Variants in EYA1 observed in about 807,000 individuals in gnomAD.
EYA1 encodes EYA transcriptional coactivator and phosphatase 1, also known as protein phosphatase EYA1.
Under a neutral mutation model 82.0 loss-of-function variants are expected in EYA1, and 16 were observed. The ratio of observed to expected loss-of-function variants is 0.20; its 90% confidence interval spans 0.13 to 0.30. EYA1 has a LOEUF of 0.30. Ranked by LOEUF, EYA1 falls within the 10% of genes least tolerant of loss-of-function variation. The pLI, the probability that EYA1 is intolerant of heterozygous loss-of-function variation, is 1.00. For synonymous variants in EYA1, 261 were observed against 264.4 expected, an observed-to-expected ratio of 0.99 and a Z score of 0.12; for missense variants, 633 against 730.7, an observed-to-expected ratio of 0.87 and a Z score of 1.54.
intron 9 of EYA1, among the ~76,000 whole-genome samples, chr8:71,286,063 A>T (rs1209550591): frequency 6.6e-6 from 1 of 152,218 alleles, no homozygotes; most frequent in Middle Eastern, 3.2e-3. Flanking sequence ...CTTGCAGTCC[A>T]TGCAGGGCAA....
At chr8:71,541,100 G>T (rs2129291408) in intron 1 of EYA1, among the ~76,000 whole-genome samples, 1 of 152,244 alleles carries the variant, frequency 6.6e-6, no homozygotes, top group East Asian at 1.9e-4. Context: ...CCTTCCTAAG[G>T]AATTTGGTTA....
intron 3 of EYA1, chr8:71,334,408 T>G (rs1824251251): frequency 1.8e-6 from 1 of 551,548 alleles, no homozygotes; most frequent in Non-Finnish European, 3.2e-6. Flanking sequence ...AGCAGCACTG[T>G]AAAAGTAATT....
chr8:71,502,828 CT>C (rs1416767291), intron 2 of EYA1, among the ~76,000 whole-genome samples: 3 of 152,190 alleles, frequency 2.0e-5, no homozygotes, highest in African/African-American at 7.2e-5. Context: ...GTAAAACCAT[CT>C]GGTTAAATTT....
chr8:71,250,180 A>G (rs957434042), intron 11 of EYA1, among the ~76,000 whole-genome samples: 4 of 152,170 alleles, frequency 2.6e-5, no homozygotes, highest in Non-Finnish European at 5.9e-5. Flanking sequence ...AACAAGTACA[A>G]AAGACCCGTA....
At chr8:71,478,255 G>C (rs1393271896) in intron 2 of EYA1, among the ~76,000 whole-genome samples, 1 of 152,108 alleles carries the variant, frequency 6.6e-6, no homozygotes, top group Non-Finnish European at 1.5e-5. Context: ...GCATGTAAAA[G>C]GCTGGTAAGG....
intron 3 of EYA1, among the ~76,000 whole-genome samples, chr8:71,350,417 A>G (rs1340612339): frequency 6.6e-6 from 1 of 152,216 alleles, no homozygotes; most frequent in Non-Finnish European, 1.5e-5. Flanking sequence ...GATAATTTAT[A>G]AAACTGAATC....
At chr8:71,451,496 T>C (rs2129180119) in intron 2 of EYA1, among the ~76,000 whole-genome samples, 1 of 152,234 alleles carries the variant, frequency 6.6e-6, no homozygotes, top group African/African-American at 2.4e-5. Context: ...CAGAAAGAAA[T>C]ATATGAAATA....
At chr8:71,464,373 C>T (rs528519004) in intron 2 of EYA1, among the ~76,000 whole-genome samples, 2 of 152,302 alleles carry the variant, frequency 1.3e-5, no homozygotes, top group South Asian at 4.1e-4. Context: ...ATGTCTTTCA[C>T]CTTCTTGCCT....
intron 2 of EYA1, among the ~76,000 whole-genome samples, chr8:71,398,815 T>C (rs1829782617): frequency 6.6e-6 from 1 of 152,210 alleles, no homozygotes; most frequent in Admixed American, 6.5e-5. Flanking sequence ...CACTACTCTC[T>C]TCAAAGCTGT....
rs189723772 is a variant in EYA1 at position 71,319,893 on chromosome 8, A to G, written c.418+1841T>C. The stretch of plus-strand genomic sequence containing the variant: ...GTACGCAGGGCATCTCCTTCTACTC[A>G]AGTTCCCAAAAGAGAAGATGGGGGT... On this transcript the variant is annotated intron_variant, in intron 6 of 17. Coordinates refer to ENST00000340726, the MANE Select transcript of EYA1 (RefSeq NM_000503.6). 5.9e-5 allele frequency among the ~76,000 whole-genome samples: 9 copies of G among 152,318 alleles called. No homozygotes were observed. In the East Asian group the frequency reaches 1.7e-3, roughly 29 times the overall value.
chr8:71,300,594 C>T (rs574736410), intron 7 of EYA1, among the ~76,000 whole-genome samples: 79 of 151,990 alleles, frequency 5.2e-4, no homozygotes, highest in South Asian at 1.9e-3. Context: ...ATTTCGTATG[C>T]CATTTAACCC....
intron 9 of EYA1, among the ~76,000 whole-genome samples, chr8:71,293,024 T>C (rs903644336): frequency 6.6e-6 from 1 of 151,978 alleles, no homozygotes; most frequent in Non-Finnish European, 1.5e-5. Flanking sequence ...AGAATATCAA[T>C]AAAATTGATA....
intron 9 of EYA1, among the ~76,000 whole-genome samples, chr8:71,285,414 G>C (rs1472338548): frequency 6.6e-6 from 1 of 152,198 alleles, no homozygotes; most frequent in Non-Finnish European, 1.5e-5. Flanking sequence ...GAAGTGGTAG[G>C]CATGGGAAAT....
chr8:71,422,753 T>C (rs1215866810), intron 2 of EYA1, among the ~76,000 whole-genome samples: 3 of 152,076 alleles, frequency 2.0e-5, no homozygotes, highest in African/African-American at 7.2e-5. Flanking sequence ...AAGCCCCTTA[T>C]AAAACCATCA....
chr8:71,236,154 G>A (rs1359984974), intron 12 of EYA1, among the ~76,000 whole-genome samples: 1 of 152,080 alleles, frequency 6.6e-6, no homozygotes, highest in Non-Finnish European at 1.5e-5. Context: ...TCCTGCCTCA[G>A]CATCCCGAGT....
chr8:71,216,902 T>C (rs746701158), intron 13 of EYA1, 50 bp from the exon 14 acceptor site: 1 of 1,612,558 alleles, frequency 6.2e-7, no homozygotes, highest in Admixed American at 1.7e-5. Context: ...AAAGTCCATC[T>C]TAATTAGGTA....
At chr8:71,241,666 G>C (rs1276116778) in intron 12 of EYA1, among the ~76,000 whole-genome samples, 2 of 152,212 alleles carry the variant, frequency 1.3e-5, no homozygotes, top group African/African-American at 4.8e-5. Context: ...ACCTTACAAA[G>C]CTAAAAACAT....
chr8:71,351,526 G>A (rs1263109801), intron 3 of EYA1, among the ~76,000 whole-genome samples: 2 of 152,112 alleles, frequency 1.3e-5, no homozygotes, highest in African/African-American at 4.8e-5. Flanking sequence ...ATAAAAATGT[G>A]AATAGTTGAA....
intron 16 of EYA1, among the ~76,000 whole-genome samples, chr8:71,212,052 C>G (rs539192519): frequency 2.6e-4 from 39 of 152,272 alleles, no homozygotes; most frequent in African/African-American, 8.7e-4. Context: ...ACAGTTAATG[C>G]AAGCATTGTT....
Sources: gnomAD v4.1 joint callset for allele counts (sites outside exome capture counted in the v4.1 genomes callset) on GRCh38, gnomAD v4.1.1 for gene constraint, MANE v1.5 for transcripts, NCBI Gene and HGNC (gene_info 2026-07-23, HGNC 2026-07-21) for gene names.